Variants in NR6A1 observed in about 807,000 individuals in gnomAD.
The protein encoded by NR6A1 is retinoic acid receptor-related testis-associated receptor.
A neutral mutation model predicts 59.1 loss-of-function variants in NR6A1; 7 were observed. The observed-to-expected ratio is 0.12, with a 90% CI of 0.07 to 0.22. The LOEUF (loss-of-function observed/expected upper bound fraction) is 0.22. Among genes scored for constraint, NR6A1 ranks in the 10% least tolerant of loss-of-function variants. The pLI is 1.00. For missense variants in NR6A1, 468 were observed against 611.6 expected, an observed-to-expected ratio of 0.77 and a Z score of 2.48; for synonymous variants, 243 against 236.1, an observed-to-expected ratio of 1.03 and a Z score of -0.27.
intron 2 of NR6A1, among the ~76,000 whole-genome samples, chr9:124,631,221 G>A (rs1836432314): frequency 6.6e-6 from 1 of 152,120 alleles, no homozygotes; most frequent in African/African-American, 2.4e-5. Context: ...GAAGATCAGT[G>A]ATATGACATT....
rs577103712 is a variant in NR6A1, at chr9:124,642,202, ACCACG to A, written c.143-87637_143-87633del. Among the ~76,000 whole-genome samples the A allele has an allele frequency of 5.3e-3, 812 of 152,218 alleles. 5 individuals carry two copies. The highest frequency in any genetic ancestry group is 8.3e-3 in the Non-Finnish European group (564 of 67,998). ...GTAGCTGGGATTACAAGCGCACACCACCACGCCCAGCTAATTTTTGTATTTTTAGT... is the reference window on the plus strand; with the variant it reads ...GTAGCTGGGATTACAAGCGCACACCACCCAGCTAATTTTTGTATTTTTAGT... On this transcript the variant is annotated intron_variant, in intron 2 of 9. Coordinates refer to ENST00000487099, the MANE Select transcript of NR6A1 (RefSeq NM_033334.4).
chr9:124,694,333 T>C (rs749341707), intron 2 of NR6A1, among the ~76,000 whole-genome samples: 17 of 152,190 alleles, frequency 1.1e-4, no homozygotes, highest in Non-Finnish European at 1.5e-4. Context: ...TTTTTACCTA[T>C]TGTTCTATAA....
chr9:124,729,027 A>G (rs1839808031), intron 2 of NR6A1, among the ~76,000 whole-genome samples: 1 of 152,230 alleles, frequency 6.6e-6, no homozygotes, highest in South Asian at 2.1e-4. Flanking sequence ...ACATTTTAAT[A>G]TTAGCTTGTA....
At chr9:124,533,656 T>TA (rs201048306) in intron 7 of NR6A1, among the ~76,000 whole-genome samples, 1 of 133,080 alleles carries the variant, frequency 7.5e-6, no homozygotes, top group African/African-American at 2.6e-5. Context: ...TAGGGGCACC[T>TA]TTTTTTTTTT....
chr9:124,568,554 C>T (rs893593782), intron 2 of NR6A1, among the ~76,000 whole-genome samples: 3 of 151,480 alleles, frequency 2.0e-5, no homozygotes, highest in Non-Finnish European at 2.9e-5. Flanking sequence ...TGTAATCAAC[C>T]CATGCTTTCC....
chr9:124,601,449 T>C (rs1835445029), intron 2 of NR6A1, among the ~76,000 whole-genome samples: 2 of 151,338 alleles, frequency 1.3e-5, no homozygotes, highest in Non-Finnish European at 1.5e-5. Context: ...CCGGGCGTCA[T>C]GGCGGGCGCC....
chr9:124,731,927 C>G (rs1839895625), intron 2 of NR6A1, among the ~76,000 whole-genome samples: 1 of 152,086 alleles, frequency 6.6e-6, no homozygotes, highest in South Asian at 2.1e-4. Flanking sequence ...ATCCCTAACC[C>G]CCACATTGTT....
intron 2 of NR6A1, among the ~76,000 whole-genome samples, chr9:124,641,650 C>G (rs1475969859): frequency 6.6e-6 from 1 of 152,100 alleles, no homozygotes; most frequent in Non-Finnish European, 1.5e-5. Flanking sequence ...TGAGCTATGA[C>G]TGCTCCAGCC....
chr9:124,582,365 T>C (rs1834797742), intron 2 of NR6A1, among the ~76,000 whole-genome samples: 1 of 152,034 alleles, frequency 6.6e-6, no homozygotes, highest in African/African-American at 2.4e-5. Context: ...AGCTAAATGA[T>C]GAGAACACAC....
At chr9:124,653,177 A>C (rs1220726710) in intron 2 of NR6A1, among the ~76,000 whole-genome samples, 2 of 152,082 alleles carry the variant, frequency 1.3e-5, no homozygotes, top group African/African-American at 4.8e-5. Context: ...CAAGTCATTT[A>C]ACCACCAGAG....
intron 2 of NR6A1, among the ~76,000 whole-genome samples, chr9:124,675,011 C>T (rs975680266): frequency 6.6e-6 from 1 of 152,194 alleles, no homozygotes; most frequent in Admixed American, 6.5e-5. Flanking sequence ...GAAAACATCT[C>T]TTAGGACAAA....
chr9:124,690,181 A>G (rs1037482521), intron 2 of NR6A1, among the ~76,000 whole-genome samples: 2 of 152,194 alleles, frequency 1.3e-5, no homozygotes, highest in Non-Finnish European at 1.5e-5. Flanking sequence ...GGCACCTGAG[A>G]CGATGACTCC....
At chr9:124,671,575 T>C (rs1837795939) in intron 2 of NR6A1, among the ~76,000 whole-genome samples, 1 of 152,200 alleles carries the variant, frequency 6.6e-6, no homozygotes, top group Non-Finnish European at 1.5e-5. Flanking sequence ...TGGAACCTCA[T>C]CAACCTTCTC....
Position 124,771,070 on chromosome 9 carries a change from G to A in NR6A1, c.50C>T (p.Ser17Leu), listed in dbSNP as rs554855106. ...PPSGGGGGGG[S>L]AGFLEPPAAL... ...GGCGGGAGGCTCCAGGAACCCCGCC[G>A]AGCCCCCGCCGCCTCCCCCTCCGCT... The change falls in exon 1 of 10, where the codon TCG becomes TTG. Residue 17 changes from serine (S) to leucine (L), a missense_variant. By Grantham distance (145) the Ser-to-Leu change is moderately radical. Around this residue, in one of 4 missense-constraint regions of NR6A1, gnomAD observed 75 missense variants for 65.6 expected, o/e 1.14. Coordinates refer to ENST00000487099, the MANE Select transcript of NR6A1 (RefSeq NM_033334.4). 352 of 1,230,512 alleles carry A rather than the reference G, an allele frequency of 2.9e-4. 2 individuals are homozygous for A. The South Asian group carries it at 3.2e-3, about 11-fold the overall frequency. The allele number at this position is 1,230,512 out of a possible 1,614,324, so 76.2% of individuals were successfully genotyped here.
chr9:124,738,897 G>C (rs1840092871), intron 1 of NR6A1, among the ~76,000 whole-genome samples: 1 of 151,938 alleles, frequency 6.6e-6, no homozygotes, highest in Admixed American at 6.6e-5. Context: ...AGCTACTCGG[G>C]GGGCTGAGGC....
intron 2 of NR6A1, among the ~76,000 whole-genome samples, chr9:124,619,036 A>G (rs991581133): frequency 2.6e-5 from 4 of 152,210 alleles, no homozygotes; most frequent in African/African-American, 9.6e-5. Context: ...ATAAGTAAGC[A>G]AAGTATTATA....
Position 124,536,089 on chromosome 9 carries a change from G to C in NR6A1, c.868C>G (p.Leu290Val). 1 of 1,614,132 alleles carries C rather than the reference G, an allele frequency of 6.2e-7. No individual in the cohort carries two copies. The highest frequency in any genetic ancestry group is 8.5e-7 in the Non-Finnish European group (1 of 1,180,000). The change falls in exon 7 of 10, where the codon CTG becomes GTG. Residue 290 changes from leucine (L) to valine (V), a missense_variant. Physicochemically the swap from Leu to Val is conservative, Grantham distance 32. Transcript: ENST00000487099. ...TGCCTAAAGAGCAGCTCGTCGGCCA[G>C]GCGGCAAAGCAGGGCAAATAGTTCT... The part of the protein sequence containing the change: ...QAELFALLCR[L>V]ADELLFRQIA...
intron 2 of NR6A1, among the ~76,000 whole-genome samples, chr9:124,642,182 T>C (rs1217370153): frequency 1.3e-5 from 2 of 152,152 alleles, no homozygotes; most frequent in African/African-American, 4.8e-5. Context: ...CCCGGGTAGC[T>C]GGGATTACAA....
At position 124,520,784 on chromosome 9, in the gene NR6A1, C is replaced by T. The variant is rs1183749876; in HGVS notation, c.*1921G>A. 1 of 152,192 alleles carries T rather than the reference C, an allele frequency of 6.6e-6. No homozygotes were observed. Among genetic ancestry groups the T allele is most frequent in the African/African-American group, 2.4e-5 (1 of 41,456 alleles). The allele number at this position is 152,192 out of a possible 1,614,324, so 9.4% of individuals were successfully genotyped here. ...GTGAACTTAGAAATAAACAGATACA[C>T]ACGAACACACAAGAATCTTCCCACT... is the stretch of plus-strand genomic sequence containing the variant. On this transcript the variant is annotated 3_prime_UTR_variant, in exon 10 of 10. Transcript: ENST00000487099.
Sources: gnomAD v4.1 joint callset for allele counts (sites outside exome capture counted in the v4.1 genomes callset) on GRCh38, gnomAD v4.1.1 for gene constraint, gnomAD v4.1.1 regional missense constraint, MANE v1.5 for transcripts, NCBI Gene and HGNC (gene_info 2026-07-23, HGNC 2026-07-21) for gene names.